The following PODN variants were observed in gnomAD, a reference collection of about 807,000 sequenced individuals.
PODN encodes podocan, also known as podocan proteoglycan.
Under a neutral mutation model 52.7 loss-of-function variants are expected in PODN, and 40 were observed. The observed-to-expected ratio is 0.76, with a 90% CI of 0.59 to 0.99. The LOEUF (loss-of-function observed/expected upper bound fraction) is 0.99, where lower values mean the gene tolerates loss of function less well. PODN is among the 50% of genes least tolerant of loss of function. The probability of loss-of-function intolerance (pLI) is 0.00; values close to 1 mark genes in which losing one functional copy is unlikely to be tolerated. For synonymous variants in PODN, 396 were observed against 377.9 expected (o/e 1.05, Z -0.56); for missense variants, 720 against 815.1 (o/e 0.88, Z 1.42).
At position 53,078,350 on chromosome 1, in the gene PODN, C is replaced by T. The variant is rs199647870; in HGVS notation, c.855-15C>T. The T allele has an allele frequency of 8.2e-5, 131 of 1,602,096 alleles. No individual in the cohort carries two copies. The East Asian group carries it at 2.0e-3, about 24-fold the overall frequency. On this transcript the variant is annotated splice_polypyrimidine_tract_variant and intron_variant, in intron 7 of 10. Transcript: ENST00000312553. The stretch of plus-strand genomic sequence containing the variant: ...TGGGCTCTTGCCAACCGTCCTAATT[C>T]CCTCCCTGCCCCAGGAAGCTCTCCA...
intron 2 of PODN, 38 bp downstream of exon 2, chr1:53,070,205 C>A (rs1179286940): frequency 1.3e-6 from 2 of 1,594,804 alleles, no homozygotes; most frequent in Non-Finnish European, 1.7e-6. Context: ...CGGGGGCTGT[C>A]CCACACACCC....
intron 2 of PODN, 134 bp from the exon 3 acceptor site, chr1:53,071,401 C>A: frequency 1.3e-6 from 1 of 747,416 alleles, no homozygotes; most frequent in Non-Finnish European, 2.2e-6. Flanking sequence ...GGTCTGCTGC[C>A]ATGGGGGAGA....
chr1:53,081,567 C>T (rs1254472132), intron 9 of PODN, among the ~76,000 whole-genome samples: 3 of 152,218 alleles, frequency 2.0e-5, no homozygotes, highest in Non-Finnish European at 4.4e-5. Flanking sequence ...GAGTGTGGCC[C>T]TGGCCTGGCT....
intron 1 of PODN, chr1:53,063,474 T>C (rs1163505891): frequency 2.0e-6 from 2 of 985,404 alleles, no homozygotes; most frequent in Non-Finnish European, 1.2e-6. Flanking sequence ...TATAGAAACC[T>C]TCCACACTGG....
At chr1:53,079,868 T>C (rs1214771136) in intron 8 of PODN, among the ~76,000 whole-genome samples, 4 of 151,876 alleles carry the variant, frequency 2.6e-5, no homozygotes, top group South Asian at 2.1e-4. Flanking sequence ...CCCCGTGCAG[T>C]GGCATGCATC....
At chr1:53,076,660 T>A (rs1034997314) in intron 5 of PODN, among the ~76,000 whole-genome samples, 13 of 151,278 alleles carry the variant, frequency 8.6e-5, no homozygotes, top group Non-Finnish European at 1.2e-4. Flanking sequence ...TATACACCTT[T>A]TATATATATA....
intron 1 of PODN, among the ~76,000 whole-genome samples, chr1:53,065,957 A>G (rs985631126): frequency 2.0e-5 from 3 of 151,564 alleles, no homozygotes; most frequent in Non-Finnish European, 4.4e-5. Context: ...TGAGCCACAA[A>G]TGCAAGCCAC....
In PODN at chr1:53,077,286, C is replaced by G; in HGVS notation, c.678C>G (p.Ser226Arg). The change falls in exon 6 of 11, where the codon AGC becomes AGG. Residue 226 changes from serine (S) to arginine (R), a missense_variant. Ser to Arg is a moderately radical substitution (Grantham distance 110, BLOSUM62 -1). Transcript: ENST00000312553. ...SSNVEVLILS[S>R]NFLRHVPKHL... ...ACGTCGAGGTCCTCATCCTGTCCAG[C>G]AACTTCCTGCGCCACGTGCCCAAGC... 1 of 1,613,420 alleles carries G rather than the reference C, an allele frequency of 6.2e-7. No individual in the cohort carries two copies. The highest frequency in any genetic ancestry group is 8.5e-7 in the Non-Finnish European group (1 of 1,180,016).
chr1:53,062,381 C>G, intron 1 of PODN, 73 bp downstream of exon 1: 1 of 1,107,698 alleles, frequency 9.0e-7, no homozygotes, highest in African/African-American at 1.6e-5. Context: ...CAGACGTCCC[C>G]GCCTCTCCGG....
chr1:53,079,199 G>A (rs755834456), intron 8 of PODN, among the ~76,000 whole-genome samples, 177 bp downstream of exon 8: 3 of 152,254 alleles, frequency 2.0e-5, no homozygotes, highest in Non-Finnish European at 2.9e-5. Context: ...TGGCTAAGGC[G>A]AAGCTAGGCC....
chr1:53,071,672 G>A (rs773834349), intron 3 of PODN, 44 bp downstream of exon 3: 71 of 1,552,072 alleles, frequency 4.6e-5, no homozygotes, highest in Admixed American at 1.0e-4. Context: ...ACCAAGTGGG[G>A]CCTTGGGGGC....
At position 53,062,221 on chromosome 1, in the gene PODN, T is replaced by G. The variant is rs751187510; in HGVS notation, c.-143T>G. The stretch of plus-strand genomic sequence containing the variant: ...CGGAGAGCGCCCAGCTTGACTTGAA[T>G]GGAAGGAGCCCGAGCCCGCGGAGCG... On this transcript the variant is annotated 5_prime_UTR_variant, in exon 1 of 11. An upstream start codon of the reference 5' UTR is lost. Transcript: ENST00000312553. The G allele has an allele frequency of 7.9e-7, 1 of 1,270,632 alleles. No individual in the cohort carries two copies. The highest frequency in any genetic ancestry group is 1.0e-6 in the Non-Finnish European group (1 of 1,001,712). The allele number at this position is 1,270,632 out of a possible 1,614,324, so 78.7% of individuals were successfully genotyped here.
At position 53,077,704 on chromosome 1, in the gene PODN, T is replaced by A; in HGVS notation, c.758T>A (p.Ile253Asn). ...LHLKNNKLEK[I>N]PPGAFSELSS... Reference sequence around the variant, plus strand: ...CCCCAGAACAACAAGCTGGAGAAGATCCCCCCGGGGGCCTTCAGCGAGCTG... The same window carrying A: ...CCCCAGAACAACAAGCTGGAGAAGAACCCCCCGGGGGCCTTCAGCGAGCTG... Residue 253 changes from isoleucine (I) to asparagine (N), a missense_variant, in exon 7 of 11, where the codon ATC becomes AAC. Physicochemically the swap from Ile to Asn is moderately radical, Grantham distance 149. Transcript: ENST00000312553. The A allele has an allele frequency of 6.2e-7, 1 of 1,612,320 alleles. No homozygotes were observed. The highest frequency in any genetic ancestry group is 1.1e-5 in the South Asian group (1 of 90,906).
intron 1 of PODN, chr1:53,066,778 T>C: frequency 6.6e-7 from 1 of 1,518,768 alleles, no homozygotes. Flanking sequence ...CGGTGCAGAA[T>C]GTTAATATAA....
At chr1:53,065,407 GGCCAAGGTCACAC>G (rs1644017518) in intron 1 of PODN, among the ~76,000 whole-genome samples, 1 of 152,096 alleles carries the variant, frequency 6.6e-6, no homozygotes, top group South Asian at 2.1e-4. Context: ...TCAGTGGTAT[GGCCAAGGTCACAC>G]GGCAAACCAG....
chr1:53,066,738 TG>T, intron 1 of PODN: 1 of 1,400,460 alleles, frequency 7.1e-7, no homozygotes, highest in Non-Finnish European at 9.8e-7. Context: ...CTCCCTGAGT[TG>T]TAAAGTGGTG....
chr1:53,079,321 G>A (rs1393777222), intron 8 of PODN, among the ~76,000 whole-genome samples: 3 of 152,208 alleles, frequency 2.0e-5, no homozygotes, highest in African/African-American at 7.2e-5. Context: ...GTATGACCGA[G>A]CTGAGCTCAT....
rs906940113 is a variant in PODN, at chr1:53,074,819, G to A, written c.471+149G>A. ...ACATGGCCCTGGGTCGGGGGTGGGG[G>A]AGACACGGACCCCATGCCTATAACT... On this transcript the variant is annotated intron_variant, in intron 4 of 10. Transcript: ENST00000312553. 24 of 597,184 alleles carry A rather than the reference G, an allele frequency of 4.0e-5. No homozygotes were observed. The African/African-American group carries it at 4.5e-4, about 11-fold the overall frequency. The allele number at this position is 597,184 out of a possible 1,614,324, so 37.0% of individuals were successfully genotyped here.
intron 9 of PODN, 87 bp from the exon 10 acceptor site, chr1:53,081,894 T>G (rs1020376573): frequency 3.3e-6 from 5 of 1,509,026 alleles, no homozygotes; most frequent in Non-Finnish European, 4.4e-6. Context: ...TTCCCTCCCC[T>G]GTTACCTTCT....
Sources: allele counts gnomAD v4.1 joint callset (sites outside exome capture counted in the v4.1 genomes callset), GRCh38; gene constraint gnomAD v4.1.1; transcripts MANE v1.5; gene names NCBI Gene and HGNC (gene_info 2026-07-23, HGNC 2026-07-21).